PCNX2: variants seen among roughly 807,000 people sequenced by gnomAD.
The protein encoded by PCNX2 is pecanex 2.
A neutral mutation model predicts 223.8 loss-of-function variants in PCNX2; 168 were observed. That is an observed-to-expected ratio of 0.75 (90% CI 0.66 to 0.85). PCNX2 has a LOEUF of 0.85. PCNX2 is among the 40% of genes least tolerant of loss of function. The pLI is 0.00. For missense variants in PCNX2, 2,507 were observed against 2,675.5 expected (o/e 0.94, Z 1.39); for synonymous variants, 1,006 against 1,052.6 (o/e 0.96, Z 0.86).
intron 21 of PCNX2, among the ~76,000 whole-genome samples, chr1:233,106,454 G>A (rs1674784641): frequency 6.7e-6 from 1 of 148,608 alleles, no homozygotes; most frequent in African/African-American, 2.5e-5. Flanking sequence ...CCACGTTCAA[G>A]CGATTCTCCT....
chr1:233,059,099 C>T (rs569848664), intron 23 of PCNX2, among the ~76,000 whole-genome samples: 60 of 152,276 alleles, frequency 3.9e-4, no homozygotes, highest in Admixed American at 1.6e-3. Context: ...TGCAAATGTT[C>T]CCTCTACTTA....
rs748423427 is a variant in PCNX2, at chr1:233,016,906, A to C, written c.4839+15T>G. On this transcript the variant is annotated intron_variant, in intron 27 of 33. Coordinates refer to ENST00000258229, the MANE Select transcript of PCNX2 (RefSeq NM_014801.4). ...ACTTACATTCCATGCCTCAGCCCCC[A>C]CCTCCCTGACCTACCTCTTGTCTTT... 8.8e-6 allele frequency: 14 copies of C among 1,590,240 alleles called. No homozygotes were observed. The East Asian group carries it at 2.9e-4, about 33-fold the overall frequency.
Position 233,234,174 on chromosome 1 carries a change from C to T in PCNX2, c.2358+2671G>A, listed in dbSNP as rs1210744689. Among the ~76,000 whole-genome samples, 9 of 152,278 alleles carry T rather than the reference C, an allele frequency of 5.9e-5. No individual in the cohort carries two copies. In the East Asian group the frequency reaches 1.5e-3, roughly 26 times the overall value. On this transcript the variant is annotated intron_variant, in intron 9 of 33. Coordinates refer to ENST00000258229, the MANE Select transcript of PCNX2 (RefSeq NM_014801.4). ...AGCACAAAACTGCAGGCATAGCCAG[C>T]CTACAGCAAATATTTGTTGGATAAT...
At chr1:233,262,814 C>T (rs1308268198) in intron 2 of PCNX2, 144 bp downstream of exon 2, 8 of 749,292 alleles carry the variant, frequency 1.1e-5, no homozygotes, top group East Asian at 2.7e-5. Flanking sequence ...CAATTTTATG[C>T]TTAAGTATAT....
chr1:233,294,285 T>C (rs1349650969), intron 1 of PCNX2, among the ~76,000 whole-genome samples: 3 of 152,192 alleles, frequency 2.0e-5, no homozygotes, highest in Non-Finnish European at 4.4e-5. Flanking sequence ...CTTTTTCTCA[T>C]TTTACAGATA....
At chr1:233,204,841 A>G (rs1024226868) in intron 13 of PCNX2, among the ~76,000 whole-genome samples, 1 of 152,214 alleles carries the variant, frequency 6.6e-6, no homozygotes, top group African/African-American at 2.4e-5. Flanking sequence ...CACTGTTGAT[A>G]AGCAAACAAA....
intron 20 of PCNX2, among the ~76,000 whole-genome samples, chr1:233,138,914 T>C (rs879097196): frequency 6.6e-6 from 1 of 152,222 alleles, no homozygotes; most frequent in Admixed American, 6.5e-5. Context: ...TATTAATTAA[T>C]TTGTCCTCAT....
intron 19 of PCNX2, among the ~76,000 whole-genome samples, chr1:233,151,627 G>T (rs927323): frequency 0.67 from 101,160 of 152,082 alleles, 33,952 homozygotes; most frequent in African/African-American, 0.75. Context: ...TCTGAGGCTG[G>T]CAGCTAACCA....
intron 22 of PCNX2, among the ~76,000 whole-genome samples, chr1:233,090,658 T>A (rs184275252): frequency 1.6e-3 from 247 of 152,336 alleles, no homozygotes; most frequent in African/African-American, 5.7e-3. Context: ...GAAATATCTA[T>A]CCATCTATCT....
chr1:233,206,649 T>C (rs1310352225), intron 13 of PCNX2, among the ~76,000 whole-genome samples: 1 of 152,176 alleles, frequency 6.6e-6, no homozygotes, highest in Non-Finnish European at 1.5e-5. Context: ...CTGTTCTTAT[T>C]TTTTTTCCAA....
rs768356064 is a variant in PCNX2, at chr1:233,261,350, T to C, written c.481-29A>G. 7 of 1,608,316 alleles carry C rather than the reference T, an allele frequency of 4.4e-6. No individual in the cohort carries two copies. In the African/African-American group the frequency reaches 5.3e-5, roughly 12 times the overall value. ...CACAAATGAAAGAAACAAAAATCAA[T>C]AGATGACTCAGCTGACCGTCCATTT... On this transcript the variant is annotated intron_variant, in intron 3 of 33. Transcript: ENST00000258229.
chr1:233,006,145 G>T (rs776173544), intron 28 of PCNX2, among the ~76,000 whole-genome samples: 1 of 152,172 alleles, frequency 6.6e-6, no homozygotes. Context: ...TGGCACCATG[G>T]AAGTGCTAAA....
In PCNX2 at chr1:233,057,623, A is replaced by C. The variant is rs560845717; in HGVS notation, c.4077-333T>G. ...GGTGGCTCATGCCTGTAATCCCAAC[A>C]CTTAGGGAGGCTGAGGCAGGCAGAT... On this transcript the variant is annotated intron_variant, in intron 23 of 33. Transcript: ENST00000258229. The C allele has an allele frequency of 3.9e-5, 8 of 203,854 alleles. No homozygotes were observed. The East Asian group carries it at 9.9e-4, about 25-fold the overall frequency. The allele number at this position is 203,854 out of a possible 1,614,324, so 12.6% of individuals were successfully genotyped here. A position where few individuals can be genotyped will look rare whatever the true frequency, so the allele number is the denominator to read the frequency against.
intron 21 of PCNX2, among the ~76,000 whole-genome samples, chr1:233,114,419 G>A (rs1675290055): frequency 6.6e-6 from 1 of 152,234 alleles, no homozygotes; most frequent in Non-Finnish European, 1.5e-5. Flanking sequence ...GTCAGAGCAA[G>A]AACGGAGACC....
At chr1:233,236,569 G>A (rs192597122) in intron 9 of PCNX2, among the ~76,000 whole-genome samples, 1 of 151,982 alleles carries the variant, frequency 6.6e-6, no homozygotes, top group African/African-American at 2.4e-5. Context: ...ATGCATCCTG[G>A]CAACCAAAAA....
intron 15 of PCNX2, among the ~76,000 whole-genome samples, chr1:233,195,984 G>T (rs1210255966): frequency 6.6e-6 from 1 of 152,058 alleles, no homozygotes; most frequent in Non-Finnish European, 1.5e-5. Flanking sequence ...TGAAAAAGAA[G>T]AATAAAATTG....
chr1:233,123,235 T>C (rs866078307), intron 21 of PCNX2, among the ~76,000 whole-genome samples: 3 of 152,316 alleles, frequency 2.0e-5, no homozygotes, highest in East Asian at 3.9e-4. Context: ...GAATTCTCTA[T>C]ACTATCTTCA....
chr1:233,245,076 T>C (rs1659025790), intron 8 of PCNX2, among the ~76,000 whole-genome samples: 1 of 152,262 alleles, frequency 6.6e-6, no homozygotes, highest in African/African-American at 2.4e-5. Flanking sequence ...CCCAGGGCCC[T>C]ACTCCACCCC....
At chr1:233,236,318 G>A (rs370452238) in intron 9 of PCNX2, among the ~76,000 whole-genome samples, 11 of 151,864 alleles carry the variant, frequency 7.2e-5, no homozygotes, top group African/African-American at 9.7e-5. Context: ...ATTAAAGGTC[G>A]ACTGGATAAA....
Sources: allele counts gnomAD v4.1 joint callset (sites outside exome capture counted in the v4.1 genomes callset), GRCh38; gene constraint gnomAD v4.1.1; transcripts MANE v1.5; gene names NCBI Gene and HGNC (gene_info 2026-07-23, HGNC 2026-07-21).